Variants in AHCYL2 observed in about 807,000 individuals in gnomAD.
AHCYL2 encodes the protein S-adenosylhomocysteine hydrolase-like protein 2.
In AHCYL2, 28 loss-of-function variants were observed where a neutral mutation model predicts 81.4. The ratio of observed to expected loss-of-function variants is 0.34; its 90% CI spans 0.25 to 0.47. The LOEUF (loss-of-function observed/expected upper bound fraction) is 0.47. Among genes scored for constraint, AHCYL2 ranks in the 20% least tolerant of loss-of-function variants. AHCYL2 has a pLI of 1.00. For missense variants in AHCYL2, 551 were observed against 785.1 expected (o/e 0.70, Z 3.56); for synonymous variants, 272 against 290.2 (o/e 0.94, Z 0.64).
chr7:129,326,048 C>A (rs1307150878), intron 1 of AHCYL2, among the ~76,000 whole-genome samples: 1 of 152,026 alleles, frequency 6.6e-6, no homozygotes, highest in Non-Finnish European at 1.5e-5. Flanking sequence ...ATAATGTGTT[C>A]CACTTGGCTG....
At chr7:129,358,387 G>A (rs1584820461) in intron 1 of AHCYL2, among the ~76,000 whole-genome samples, 2 of 151,286 alleles carry the variant, frequency 1.3e-5, no homozygotes. Flanking sequence ...GCGAGACTCC[G>A]TCTCACACAC....
chr7:129,260,383 C>T (rs1350653560), intron 1 of AHCYL2, among the ~76,000 whole-genome samples: 1 of 152,152 alleles, frequency 6.6e-6, no homozygotes, highest in Non-Finnish European at 1.5e-5. Context: ...AAGTGTGATT[C>T]CTGCCCTTCA....
chr7:129,284,210 C>T (rs1038871442), intron 1 of AHCYL2, among the ~76,000 whole-genome samples: 1 of 152,042 alleles, frequency 6.6e-6, no homozygotes, highest in African/African-American at 2.4e-5. Flanking sequence ...AGAGTGATTC[C>T]GTAGTTAAGA....
chr7:129,425,016 A>G (rs765115507), intron 14 of AHCYL2, 47 bp from the exon 15 acceptor site: 1 of 1,611,270 alleles, frequency 6.2e-7, no homozygotes, highest in Non-Finnish European at 8.5e-7. Context: ...TTGCTTGGGT[A>G]GATTGCCATG....
rs529902695 is a variant in AHCYL2, at chr7:129,419,344, A to G, written c.1462-3496A>G. Among the ~76,000 whole-genome samples the G allele has an allele frequency of 5.9e-5, 9 of 152,274 alleles. No homozygotes were observed. The South Asian group carries it at 1.9e-3, about 32-fold the overall frequency. The stretch of plus-strand genomic sequence containing the variant: ...GCTGAGGCAGGCGGATCATGAGGTC[A>G]GGAGTTCAAGACCAGCCTGACCAAC... On this transcript the variant is annotated intron_variant, in intron 12 of 16. Coordinates refer to ENST00000325006, the MANE Select transcript of AHCYL2 (RefSeq NM_015328.4). The surrounding 1 kb of genome is among the most constrained non-coding windows in gnomAD (Gnocchi z 4.7).
At chr7:129,342,070 C>G (rs186968269) in intron 1 of AHCYL2, among the ~76,000 whole-genome samples, 1 of 152,122 alleles carries the variant, frequency 6.6e-6, no homozygotes, top group Non-Finnish European at 1.5e-5. Flanking sequence ...GGAAGGAGAA[C>G]AGAAAGTAAA....
chr7:129,266,812 G>A (rs1285064795), intron 1 of AHCYL2, among the ~76,000 whole-genome samples: 1 of 152,140 alleles, frequency 6.6e-6, no homozygotes, highest in East Asian at 1.9e-4. Context: ...AAATTAGAAT[G>A]TAATAAATAC....
At chr7:129,277,573 C>T (rs770504255) in intron 1 of AHCYL2, among the ~76,000 whole-genome samples, 15 of 152,158 alleles carry the variant, frequency 9.9e-5, no homozygotes, top group Non-Finnish European at 1.9e-4. Context: ...AGCCACTGCG[C>T]CTGGCCTCTC....
At chr7:129,261,221 AATG>A (rs1303927185) in intron 1 of AHCYL2, among the ~76,000 whole-genome samples, 1 of 152,210 alleles carries the variant, frequency 6.6e-6, no homozygotes, top group African/African-American at 2.4e-5. Context: ...TATAATCTTT[AATG>A]ATATCTCTTA....
chr7:129,402,678 C>A (rs1489269141), intron 6 of AHCYL2, among the ~76,000 whole-genome samples: 5 of 152,178 alleles, frequency 3.3e-5, no homozygotes, highest in African/African-American at 1.2e-4. Flanking sequence ...TATCTTTAAT[C>A]CCAACCTGAA....
intron 1 of AHCYL2, among the ~76,000 whole-genome samples, chr7:129,334,829 G>A (rs10269495): frequency 0.062 from 9,397 of 152,138 alleles, 937 homozygotes; most frequent in African/African-American, 0.21. Flanking sequence ...CTGCTCTTCT[G>A]CCACAAGGAA....
At chr7:129,345,219 A>G (rs1793320727) in intron 1 of AHCYL2, among the ~76,000 whole-genome samples, 1 of 152,196 alleles carries the variant, frequency 6.6e-6, no homozygotes, top group Non-Finnish European at 1.5e-5. Context: ...TGGTGATTGG[A>G]AAGGGAGAGA....
chr7:129,358,755 T>G (rs930282123), intron 1 of AHCYL2, among the ~76,000 whole-genome samples: 3 of 152,212 alleles, frequency 2.0e-5, no homozygotes, highest in Admixed American at 2.0e-4. Context: ...TTATGTACAT[T>G]TACCACAATT....
At position 129,233,372 on chromosome 7, in the gene AHCYL2, G is replaced by T. The variant is rs758223845; in HGVS notation, c.363+7933G>T. Reference sequence around the variant, plus strand: ...TATTTTTTTATTTTTTTGTAGAGACGGTATCTTGCCATGTTGCAGGTCTCC... The same window carrying T: ...TATTTTTTTATTTTTTTGTAGAGACTGTATCTTGCCATGTTGCAGGTCTCC... On this transcript the variant is annotated intron_variant, in intron 1 of 16. Coordinates refer to ENST00000325006, the MANE Select transcript of AHCYL2 (RefSeq NM_015328.4). Among the ~76,000 whole-genome samples the T allele has an allele frequency of 4.0e-5, 6 of 151,872 alleles. No homozygotes were observed. The East Asian group carries it at 1.2e-3, about 29-fold the overall frequency.
intron 1 of AHCYL2, among the ~76,000 whole-genome samples, chr7:129,282,268 G>A (rs1796471632): frequency 6.6e-6 from 1 of 151,872 alleles, no homozygotes; most frequent in Non-Finnish European, 1.5e-5. Flanking sequence ...TGAGTTTATT[G>A]TCAATATCAA....
At chr7:129,414,580 C>T (rs1796756127) in intron 12 of AHCYL2, among the ~76,000 whole-genome samples, 1 of 151,982 alleles carries the variant, frequency 6.6e-6, no homozygotes, top group African/African-American at 2.4e-5. Flanking sequence ...GCTACCATGC[C>T]TGGCTAATTT....
chr7:129,252,887 C>T (rs1342197180), intron 1 of AHCYL2, among the ~76,000 whole-genome samples: 1 of 151,972 alleles, frequency 6.6e-6, no homozygotes, highest in Admixed American at 6.6e-5. Context: ...GATTAGAAGA[C>T]TCAGCAGGTG....
chr7:129,308,224 GCACTTTAGCC>G (rs930012954), intron 1 of AHCYL2, among the ~76,000 whole-genome samples: 1 of 152,140 alleles, frequency 6.6e-6, no homozygotes, highest in Non-Finnish European at 1.5e-5. Context: ...GAACCCCAGA[GCACTTTAGCC>G]CATGGTAGCA....
chr7:129,408,464 G>GTTTA (rs1796405367), intron 10 of AHCYL2, among the ~76,000 whole-genome samples: 1 of 152,120 alleles, frequency 6.6e-6, no homozygotes, highest in Non-Finnish European at 1.5e-5. Context: ...TCATTCAGTT[G>GTTTA]GATGAACAGT....
Sources: allele counts gnomAD v4.1 joint callset (sites outside exome capture counted in the v4.1 genomes callset), GRCh38; gene constraint gnomAD v4.1.1; non-coding constraint Gnocchi (gnomAD v3.1); transcripts MANE v1.5; gene names NCBI Gene and HGNC (gene_info 2026-07-23, HGNC 2026-07-21).